Variants in RBFOX1 observed in about 807,000 individuals in gnomAD.
The protein encoded by RBFOX1 is RNA binding fox-1 homolog 1.
In RBFOX1, 8 loss-of-function variants were observed where a neutral mutation model predicts 57.7. The ratio of observed to expected loss-of-function variants is 0.14; its 90% CI spans 0.08 to 0.25. RBFOX1 has a LOEUF of 0.25. Ranked by LOEUF, RBFOX1 falls within the 10% of genes least tolerant of loss-of-function variation. The pLI, the probability that RBFOX1 is intolerant of heterozygous loss-of-function variation, is 1.00. For missense variants in RBFOX1, 611 were observed against 548.5 expected, an observed-to-expected ratio of 1.11 and a Z score of -1.14; for synonymous variants, 326 against 222.4, an observed-to-expected ratio of 1.47 and a Z score of -4.15.
rs1555616629 is a variant in RBFOX1 at position 6,913,158 on chromosome 16, G to GT, written c.-15-138892dup. 1.4e-4 allele frequency among the ~76,000 whole-genome samples: 21 copies of GT among 152,110 alleles called. 1 individual carries two copies. Among genetic ancestry groups the GT allele is most frequent in the African/African-American group, 3.9e-4 (16 of 41,486 alleles). The stretch of plus-strand genomic sequence containing the variant: ...AAGACACGTTTTTTTGTTTTGTTTT[G>GT]TTTTTTTGTTTTTCCTGTGGGTTAC... On this transcript the variant is annotated intron_variant, in intron 3 of 15. Coordinates refer to ENST00000550418, the MANE Select transcript of RBFOX1 (RefSeq NM_018723.4).
intron 2 of RBFOX1, among the ~76,000 whole-genome samples, chr16:6,526,829 C>CAAAAAAAAAAAA (rs541468859): frequency 1.5e-4 from 5 of 32,892 alleles, no homozygotes; most frequent in African/African-American, 3.2e-4. Flanking sequence ...GACTCTGTCT[C>CAAAAAAAAAAAA]AAAAAAAAAA....
At chr16:5,958,668 G>T (rs546091853) in intron 4 of RBFOX1, among the ~76,000 whole-genome samples, 1 of 152,320 alleles carries the variant, frequency 6.6e-6, no homozygotes, top group East Asian at 1.9e-4. Flanking sequence ...TTCTCTTACA[G>T]ATCTGGACGT....
intron 2 of RBFOX1, among the ~76,000 whole-genome samples, chr16:6,531,600 T>G (rs888702754): frequency 6.6e-6 from 1 of 152,178 alleles, no homozygotes; most frequent in Non-Finnish European, 1.5e-5. Context: ...TCAATAAAAG[T>G]GGCCTTAATG....
intron 4 of RBFOX1, among the ~76,000 whole-genome samples, chr16:5,874,589 C>G (rs2057558643): frequency 6.6e-6 from 1 of 152,008 alleles, no homozygotes; most frequent in Non-Finnish European, 1.5e-5. Flanking sequence ...TAAATTGAAA[C>G]AGGTTATGCC....
chr16:5,693,572 G>T (rs2050759656), intron 3 of RBFOX1, among the ~76,000 whole-genome samples: 1 of 152,082 alleles, frequency 6.6e-6, no homozygotes. Context: ...TGCAGGTCAG[G>T]CCCTTCTTTC....
chr16:6,326,799 G>A (rs1465801950), intron 2 of RBFOX1, among the ~76,000 whole-genome samples: 1 of 147,230 alleles, frequency 6.8e-6, no homozygotes, highest in African/African-American at 2.5e-5. Flanking sequence ...GTCCAGGCAG[G>A]AGGACACACG....
chr16:6,885,478 T>C (rs964240727), intron 3 of RBFOX1, among the ~76,000 whole-genome samples: 2 of 152,336 alleles, frequency 1.3e-5, no homozygotes, highest in Admixed American at 1.3e-4. Flanking sequence ...CTGGAGACTT[T>C]CTTGACAAAG....
chr16:7,695,258 TCCA>T, intron 14 of RBFOX1, among the ~76,000 whole-genome samples: 3 of 152,170 alleles, frequency 2.0e-5, no homozygotes, highest in Non-Finnish European at 4.4e-5. Context: ...GACACCCATA[TCCA>T]TCAAATGTCA....
intron 3 of RBFOX1, among the ~76,000 whole-genome samples, chr16:6,754,282 C>G (rs562420573): frequency 9.2e-5 from 14 of 152,304 alleles, no homozygotes; most frequent in Middle Eastern, 3.4e-3. Context: ...GCATTGCTGA[C>G]TCTCCGCCAA....
chr16:5,845,073 T>C (rs2056720753), intron 3 of RBFOX1, among the ~76,000 whole-genome samples: 2 of 152,010 alleles, frequency 1.3e-5, no homozygotes, highest in African/African-American at 4.8e-5. Context: ...TTTTTTTTTT[T>C]TTTTTTCTGT....
At chr16:5,553,146 G>A (rs1467149754) in intron 2 of RBFOX1, among the ~76,000 whole-genome samples, 1 of 152,080 alleles carries the variant, frequency 6.6e-6, no homozygotes, top group Non-Finnish European at 1.5e-5. Flanking sequence ...GTGACGGGCT[G>A]GGGGAGAGAT....
intron 3 of RBFOX1, among the ~76,000 whole-genome samples, chr16:7,035,546 G>A (rs1175950075): frequency 6.6e-6 from 1 of 152,084 alleles, no homozygotes; most frequent in African/African-American, 2.4e-5. Context: ...CTTTCTGAAC[G>A]CTACTTGTGA....
chr16:6,636,845 T>TATA (rs2098439770), intron 2 of RBFOX1, among the ~76,000 whole-genome samples: 1 of 94,662 alleles, frequency 1.1e-5, no homozygotes, highest in African/African-American at 3.9e-5. Context: ...TAATATATAA[T>TATA]ATATATAATA....
chr16:6,848,709 A>G (rs1056957150), intron 3 of RBFOX1, among the ~76,000 whole-genome samples: 2 of 152,094 alleles, frequency 1.3e-5, no homozygotes, highest in South Asian at 2.1e-4. Flanking sequence ...ATGAGAGATA[A>G]TAGATGGATA....
intron 4 of RBFOX1, among the ~76,000 whole-genome samples, chr16:7,241,286 A>T (rs925524156): frequency 1.3e-5 from 2 of 152,078 alleles, no homozygotes; most frequent in African/African-American, 4.8e-5. Flanking sequence ...TATTTATTCT[A>T]ATTCTCTCAG....
rs186065594 is a variant in RBFOX1 at position 6,959,931 on chromosome 16, C to T, written c.-15-92126C>T. On this transcript the variant is annotated intron_variant, in intron 3 of 15. Coordinates refer to ENST00000550418, the MANE Select transcript of RBFOX1 (RefSeq NM_018723.4). ...AGCCTGGGCGACAAGAGCGAAACTCCATCTCATAAATAAATAAATTAATAA... is the reference window on the plus strand; with the variant it reads ...AGCCTGGGCGACAAGAGCGAAACTCTATCTCATAAATAAATAAATTAATAA... Among the ~76,000 whole-genome samples the T allele has an allele frequency of 6.4e-3, 971 of 152,194 alleles. 7 individuals are homozygous for T. Among genetic ancestry groups the T allele is most frequent in the Non-Finnish European group, 0.01 (708 of 68,010 alleles).
intron 2 of RBFOX1, among the ~76,000 whole-genome samples, chr16:6,351,396 A>G (rs1179796422): frequency 8.9e-6 from 1 of 112,730 alleles, no homozygotes; most frequent in Admixed American, 1.0e-4. Context: ...TTCTTGAGGC[A>G]GAGTTTTGCT....
At chr16:5,680,283 T>A (rs1230731246) in intron 3 of RBFOX1, among the ~76,000 whole-genome samples, 1 of 152,160 alleles carries the variant, frequency 6.6e-6, no homozygotes, top group Non-Finnish European at 1.5e-5. Context: ...TTTGTTTGTT[T>A]TGCTTGATGG....
At chr16:6,267,661 T>G (rs1403075861) in intron 1 of RBFOX1, among the ~76,000 whole-genome samples, 3 of 151,352 alleles carry the variant, frequency 2.0e-5, no homozygotes, top group Non-Finnish European at 4.4e-5. Flanking sequence ...TTGCAGATAC[T>G]AGGAGAGATC....
Sources: gnomAD v4.1 joint callset for allele counts (sites outside exome capture counted in the v4.1 genomes callset) on GRCh38, gnomAD v4.1.1 for gene constraint, MANE v1.5 for transcripts, NCBI Gene and HGNC (gene_info 2026-07-23, HGNC 2026-07-21) for gene names.